SPAG8: variants seen among roughly 807,000 people sequenced by gnomAD.
SPAG8 encodes the protein sperm-associated antigen 8.
A neutral mutation model predicts 45.3 loss-of-function variants in SPAG8; 36 were observed. The ratio of observed to expected loss-of-function variants is 0.80; its 90% CI spans 0.61 to 1.05. The LOEUF (loss-of-function observed/expected upper bound fraction) is 1.05. SPAG8 is among the 50% of genes least tolerant of loss of function. The pLI is 0.00. For missense variants in SPAG8, 573 were observed against 609.2 expected, an observed-to-expected ratio of 0.94 and a Z score of 0.63; for synonymous variants, 227 against 232.6, an observed-to-expected ratio of 0.98 and a Z score of 0.22.
chr9:35,809,151 C>G, downstream of SPAG8: 1 of 1,613,010 alleles, frequency 6.2e-7, no homozygotes, highest in Non-Finnish European at 8.5e-7. This position sits in a 1 kb window ranked among gnomAD's most constrained non-coding sequence, Gnocchi z 4.1. Flanking sequence ...TTCCACCCAC[C>G]CCAGCGCTGA....
At position 35,810,699 on chromosome 9, in the gene SPAG8, G is replaced by C; in HGVS notation, c.1040-17C>G. 5.0e-6 allele frequency: 8 copies of C among 1,614,096 alleles called. No individual in the cohort carries two copies. Among genetic ancestry groups the C allele is most frequent in the Non-Finnish European group, 6.8e-6 (8 of 1,179,986 alleles). The stretch of plus-strand genomic sequence containing the variant: ...CACGCTTCCCTGTGAGAGAGTTGGG[G>C]GGTGGGCAAGGTGGGGTCTGGTTAA... On this transcript the variant is annotated splice_polypyrimidine_tract_variant and intron_variant, in intron 3 of 6. Coordinates refer to ENST00000396638, the MANE Select transcript of SPAG8 (RefSeq NM_001039592.2).
rs757904583 is a variant in SPAG8, at chr9:35,811,645, T to C, written c.401A>G (p.Asn134Ser). 6.2e-6 allele frequency: 10 copies of C among 1,614,034 alleles called. No individual in the cohort carries two copies. In the South Asian group the frequency reaches 9.9e-5, roughly 16 times the overall value. Residue 134 changes from asparagine to serine, a missense_variant, in exon 2 of 7, where the codon AAT (asparagine) becomes AGT (serine). Transcript: ENST00000396638. ...GCTAGAGCCTGGAACAGGGCCAGGA[T>C]TAGAACTATGGTCAGTTGTAGTGCA... ...DTCTTTDHSS[N>S]PGPVPGSSSG...
rs773835616 is a variant in SPAG8, at chr9:35,811,902, G to A, written c.144C>T (p.Thr48=). Reference sequence around the variant, plus strand: ...CTGATGCAGCCGCTGCAGCTGCTGCGGTTGCAGCTGCCAGGGCCGACCTGG... The same window carrying A: ...CTGATGCAGCCGCTGCAGCTGCTGCAGTTGCAGCTGCCAGGGCCGACCTGG... ...DSPRSALAAA[T]AAAAAAASAA... is the part of the protein sequence containing the mutation. The change falls in exon 2 of 7, where the codon ACC becomes ACT. Residue 48 remains threonine (T), a synonymous_variant. Transcript: ENST00000396638. The A allele has an allele frequency of 6.2e-7, 1 of 1,609,260 alleles. No individual in the cohort carries two copies. Among genetic ancestry groups the A allele is most frequent in the Non-Finnish European group, 8.5e-7 (1 of 1,176,498 alleles).
At position 35,811,062 on chromosome 9, in the gene SPAG8, G is replaced by A; in HGVS notation, c.865-5C>T. 1.9e-6 allele frequency: 3 copies of A among 1,611,942 alleles called. No homozygotes were observed. In the South Asian group the frequency reaches 3.3e-5, roughly 18 times the overall value. On this transcript the variant is annotated splice_region_variant and splice_polypyrimidine_tract_variant and intron_variant, in intron 2 of 6. Transcript: ENST00000396638. ...ATCCAGGTGGTTGGTGGCTCTCTGT[G>A]GATCCCAAGTTGAATGACTATAATA... is the stretch of plus-strand genomic sequence containing the variant.
Position 35,811,014 on chromosome 9 carries a change from C to G in SPAG8, c.908G>C (p.Gly303Ala). 1.2e-6 allele frequency: 2 copies of G among 1,614,018 alleles called. No homozygotes were observed. The highest frequency in any genetic ancestry group is 1.7e-6 in the Non-Finnish European group (2 of 1,179,982). Residue 303 changes from glycine to alanine, a missense_variant, in exon 3 of 7, where the codon GGC (glycine) becomes GCC (alanine). By Grantham distance (60) the Gly-to-Ala change is moderately conservative. Coordinates refer to ENST00000396638, the MANE Select transcript of SPAG8 (RefSeq NM_001039592.2). ...HLDQVPSMQDGSESFFFRHGH... is the reference protein window; with the variant it reads ...HLDQVPSMQDASESFFFRHGH... The stretch of plus-strand genomic sequence containing the variant: ...GTGTCGGAAGAAAAAACTCTCAGAG[C>G]CATCCTGCATGCTTGGGACTTGATC...
chr9:35,808,255 C>T, downstream of SPAG8: 1 of 1,614,198 alleles, frequency 6.2e-7, no homozygotes, highest in Non-Finnish European at 8.5e-7. This position sits in a 1 kb window ranked among gnomAD's most constrained non-coding sequence, Gnocchi z 4.0. Context: ...TGTCCTGCTG[C>T]AGACAGGGTG....
downstream of SPAG8, chr9:35,808,038 C>T (rs966521492): frequency 1.4e-5 from 10 of 693,516 alleles, no homozygotes; most frequent in Admixed American, 2.2e-4. This position sits in a 1 kb window ranked among gnomAD's most constrained non-coding sequence, Gnocchi z 4.0. Flanking sequence ...AAAAACTTCA[C>T]TGTGTATTTC....
At chr9:35,810,586 C>A (rs2132110474) in intron 4 of SPAG8, 33 bp from the exon 5 acceptor site, 2 of 1,614,036 alleles carry the variant, frequency 1.2e-6, no homozygotes, top group East Asian at 4.5e-5. Context: ...AGGCCATTCT[C>A]ACCCAATTTT....
At chr9:35,808,455 T>C, downstream of SPAG8, 4 of 1,579,116 alleles carry the variant, frequency 2.5e-6, no homozygotes, top group Non-Finnish European at 3.5e-6. The surrounding 1 kb of genome is among the most constrained non-coding windows in gnomAD (Gnocchi z 4.0). Context: ...CTCTACTTTT[T>C]CCCATCCCCA....
intron 2 of SPAG8, 53 bp from the exon 3 acceptor site, chr9:35,811,110 T>C: frequency 6.3e-7 from 1 of 1,576,500 alleles, no homozygotes; most frequent in Non-Finnish European, 8.6e-7. Flanking sequence ...CCCACCCTCA[T>C]GTAAACTACT....
chr9:35,810,594 T>G (rs371227994), intron 4 of SPAG8, 41 bp from the exon 5 acceptor site: 19 of 1,613,772 alleles, frequency 1.2e-5, no homozygotes, highest in Non-Finnish European at 1.6e-5. Context: ...CTCACCCAAT[T>G]TTTCTCCTCC....
chr9:35,808,261 G>C (rs1364841723), downstream of SPAG8: 6 of 1,614,168 alleles, frequency 3.7e-6, no homozygotes, highest in East Asian at 2.2e-5. This position sits in a 1 kb window ranked among gnomAD's most constrained non-coding sequence, Gnocchi z 4.0. Context: ...GCTGCAGACA[G>C]GGTGTTCATT....
downstream of SPAG8, chr9:35,808,589 T>A (rs775168556): frequency 1.9e-6 from 3 of 1,614,106 alleles, 1 homozygote; most frequent in South Asian, 2.2e-5. This position sits in a 1 kb window ranked among gnomAD's most constrained non-coding sequence, Gnocchi z 4.0. Flanking sequence ...CAGAAATTGC[T>A]CGTATGGCCC....
Position 35,810,247 on chromosome 9 carries a change from C to A in SPAG8, c.1263G>T (p.Pro421=). 1 of 1,614,122 alleles carries A rather than the reference C, an allele frequency of 6.2e-7. No individual in the cohort carries two copies. The highest frequency in any genetic ancestry group is 8.5e-7 in the Non-Finnish European group (1 of 1,179,954). The part of the protein sequence containing the change: ...TFWIQRAPQL[P]GVSNIRTLDT... Reference sequence around the variant, plus strand: ...CCAACACCTAGTCACCCTCACACACCGGCAGCTGTGGTGCCCTCTGTATCC... The same window carrying A: ...CCAACACCTAGTCACCCTCACACACAGGCAGCTGTGGTGCCCTCTGTATCC... The change falls in exon 6 of 7, where the codon CCG becomes CCT. Residue 421 remains proline (P), a splice_region_variant and synonymous_variant. Transcript: ENST00000396638.
chr9:35,808,014 A>G (rs1197886769), downstream of SPAG8: 2 of 632,906 alleles, frequency 3.2e-6, no homozygotes, highest in Non-Finnish European at 5.7e-6. The surrounding 1 kb of genome is among the most constrained non-coding windows in gnomAD (Gnocchi z 4.0). Context: ...CTAAATACTT[A>G]GTGTGTATTT....
Position 35,810,263 on chromosome 9 carries a change from C to A in SPAG8, c.1247G>T (p.Arg416Met). 3.7e-6 allele frequency: 6 copies of A among 1,614,228 alleles called. No homozygotes were observed. Among genetic ancestry groups the A allele is most frequent in the Non-Finnish European group, 4.2e-6 (5 of 1,180,020 alleles). Residue 416 changes from arginine (R) to methionine (M), a missense_variant, in exon 6 of 7, where the codon AGG (arginine) becomes ATG (methionine). Physicochemically the swap from Arg to Met is moderately conservative, Grantham distance 91. Transcript: ENST00000396638. Reference sequence around the variant, plus strand: ...CTCACACACCGGCAGCTGTGGTGCCCTCTGTATCCAGAAGGTCTCAGGTTG... The same window carrying A: ...CTCACACACCGGCAGCTGTGGTGCCATCTGTATCCAGAAGGTCTCAGGTTG... ...QEQPETFWIQ[R>M]APQLPGVSNI...
chr9:35,812,192 T>A lies in SPAG8; in HGVS notation c.-45A>T, dbSNP rs1038985816. The A allele has an allele frequency of 6.3e-7, 1 of 1,593,026 alleles. No individual in the cohort carries two copies. The highest frequency in any genetic ancestry group is 8.5e-7 in the Non-Finnish European group (1 of 1,176,074). On this transcript the variant is annotated 5_prime_UTR_variant, in exon 1 of 7. Transcript: ENST00000396638. Reference sequence around the variant, plus strand: ...GGTTGCCATAGAGACAGCAAACAACTCCTGGAGCCTGCGCAGAAGTACAGC... The same window carrying A: ...GGTTGCCATAGAGACAGCAAACAACACCTGGAGCCTGCGCAGAAGTACAGC...
downstream of SPAG8, chr9:35,809,122 C>A: frequency 6.4e-7 from 1 of 1,565,490 alleles, no homozygotes; most frequent in Non-Finnish European, 8.8e-7. The surrounding 1 kb of genome is among the most constrained non-coding windows in gnomAD (Gnocchi z 4.1). Context: ...TTTGATTCCT[C>A]ATTCCACCAT....
At chr9:35,809,217 G>A (rs386352338), downstream of SPAG8, 1 of 1,613,834 alleles carries the variant, frequency 6.2e-7, no homozygotes, top group South Asian at 1.1e-5. This position sits in a 1 kb window ranked among gnomAD's most constrained non-coding sequence, Gnocchi z 4.1. Context: ...GATGCTTCCA[G>A]CTAGAGCTTC....
Sources: allele counts gnomAD v4.1 joint callset, GRCh38; gene constraint gnomAD v4.1.1; non-coding constraint Gnocchi (gnomAD v3.1); transcripts MANE v1.5; gene names NCBI Gene and HGNC (gene_info 2026-07-23, HGNC 2026-07-21).